The following STT3B variants were observed in gnomAD, a reference collection of about 807,000 sequenced individuals.
The protein encoded by STT3B is dolichyl-diphosphooligosaccharide--protein glycosyltransferase subunit STT3B.
Under a neutral mutation model 96.8 loss-of-function variants are expected in STT3B, and 29 were observed. The observed-to-expected ratio is 0.30, with a 90% CI of 0.22 to 0.41. The LOEUF (loss-of-function observed/expected upper bound fraction) is 0.41. Among genes scored for constraint, STT3B ranks in the 10% least tolerant of loss-of-function variants. The pLI is 1.00. For missense variants in STT3B, 640 were observed against 1,022.3 expected, an observed-to-expected ratio of 0.63 and a Z score of 5.10; for synonymous variants, 367 against 360.0, an observed-to-expected ratio of 1.02 and a Z score of -0.22.
intron 5 of STT3B, among the ~76,000 whole-genome samples, chr3:31,612,895 A>G (rs1477856097): frequency 3.9e-5 from 6 of 152,316 alleles, no homozygotes; most frequent in East Asian, 3.9e-4. Flanking sequence ...TATACCTGCT[A>G]GTGATTATTT....
intron 1 of STT3B, among the ~76,000 whole-genome samples, chr3:31,549,822 G>A (rs543096674): frequency 2.0e-5 from 3 of 152,174 alleles, no homozygotes; most frequent in African/African-American, 4.8e-5. Flanking sequence ...TGTTATACAC[G>A]TTGTGCGTGC....
intron 4 of STT3B, among the ~76,000 whole-genome samples, chr3:31,599,722 T>C (rs1480625308): frequency 6.6e-6 from 1 of 152,184 alleles, no homozygotes; most frequent in Non-Finnish European, 1.5e-5. Context: ...GAATGGAGAT[T>C]CTCTTTAGAA....
At chr3:31,589,062 C>T (rs535973682) in intron 3 of STT3B, among the ~76,000 whole-genome samples, 2 of 152,178 alleles carry the variant, frequency 1.3e-5, no homozygotes, top group East Asian at 3.9e-4. Context: ...GTCTTCCTAT[C>T]ATAAACATGG....
At position 31,533,085 on chromosome 3, in the gene STT3B, C is replaced by A. The variant is rs777810394; in HGVS notation, c.87C>A (p.Ser29Arg). Residue 29 changes from serine to arginine, a missense_variant, in exon 1 of 16, where the codon AGC (serine) becomes AGA (arginine). Around this residue, in one of 8 missense-constraint regions of STT3B, gnomAD observed 89 missense variants for 81.7 expected, o/e 1.09. Transcript: ENST00000295770. ...GTGGCCTCATGGCCCTGGGAAACAG[C>A]CGGCACGGCCACCACGGGCCCGGGG... ...PWSGLMALGNSRHGHHGPGAQ... is the reference protein window; with the variant it reads ...PWSGLMALGNRRHGHHGPGAQ... The A allele has an allele frequency of 6.5e-7, 1 of 1,534,174 alleles. No individual in the cohort carries two copies. The highest frequency in any genetic ancestry group is 8.7e-7 in the Non-Finnish European group (1 of 1,143,142).
intron 8 of STT3B, among the ~76,000 whole-genome samples, chr3:31,618,440 T>C (rs2125473718): frequency 6.6e-6 from 1 of 152,066 alleles, no homozygotes; most frequent in Middle Eastern, 3.4e-3. Flanking sequence ...CACAAGAGAA[T>C]ATATATCTGT....
chr3:31,573,128 C>G (rs1698196321), intron 1 of STT3B, among the ~76,000 whole-genome samples: 1 of 151,930 alleles, frequency 6.6e-6, no homozygotes, highest in Admixed American at 6.6e-5. Flanking sequence ...ATGAGGTGAG[C>G]TTGGAGGACT....
chr3:31,630,141 C>G (rs1183174152), intron 14 of STT3B, among the ~76,000 whole-genome samples: 1 of 152,114 alleles, frequency 6.6e-6, no homozygotes, highest in Non-Finnish European at 1.5e-5. Context: ...CCAAAATATG[C>G]CTCTTTGACA....
At chr3:31,591,106 C>T (rs374953617) in intron 3 of STT3B, among the ~76,000 whole-genome samples, 60 of 152,112 alleles carry the variant, frequency 3.9e-4, no homozygotes, top group African/African-American at 1.4e-3. Context: ...GAAACTGTTT[C>T]TTCTTTTAGT....
chr3:31,591,280 A>G (rs1031511279), intron 3 of STT3B, among the ~76,000 whole-genome samples: 1 of 152,114 alleles, frequency 6.6e-6, no homozygotes, highest in Non-Finnish European at 1.5e-5. Flanking sequence ...TTGATTTCAT[A>G]TGATTCCTGT....
intron 11 of STT3B, among the ~76,000 whole-genome samples, chr3:31,624,174 T>C (rs1239301187): frequency 1.3e-5 from 2 of 152,158 alleles, no homozygotes; most frequent in African/African-American, 4.8e-5. Context: ...AATTAAATTA[T>C]TTTTGACTGT....
chr3:31,625,854 A>G, intron 12 of STT3B, 100 bp from the exon 13 acceptor site: 4 of 1,162,250 alleles, frequency 3.4e-6, no homozygotes, highest in Non-Finnish European at 4.8e-6. Context: ...CATGTAAAAC[A>G]AACTCTTGAT....
At chr3:31,553,160 A>G (rs969405495) in intron 1 of STT3B, among the ~76,000 whole-genome samples, 15 of 151,934 alleles carry the variant, frequency 9.9e-5, no homozygotes, top group African/African-American at 3.6e-4. Flanking sequence ...ACTCCTGTAC[A>G]TTGCTGATGG....
chr3:31,543,224 G>A (rs1424398273), intron 1 of STT3B, among the ~76,000 whole-genome samples: 6 of 152,072 alleles, frequency 3.9e-5, no homozygotes, highest in Admixed American at 1.3e-4. Context: ...TGGCTAACTA[G>A]GCCAGAGCCA....
chr3:31,576,233 G>A lies in STT3B; in HGVS notation c.315-163G>A, dbSNP rs4574331. The stretch of plus-strand genomic sequence containing the variant: ...TGAAGTTGGGGGCGTTTTTATTTAT[G>A]TAGAGGTATAAGCATGTTCTTTTGA... On this transcript the variant is annotated intron_variant, in intron 1 of 15. Transcript: ENST00000295770. 0.92 allele frequency among the ~76,000 whole-genome samples: 140,043 copies of A among 152,176 alleles called. 64,612 individuals carry two copies. Among genetic ancestry groups the A allele is most frequent in the East Asian group, 0.96 (4,956 of 5,166 alleles).
intron 1 of STT3B, among the ~76,000 whole-genome samples, chr3:31,555,142 C>T (rs746189693): frequency 6.6e-6 from 1 of 152,122 alleles, no homozygotes; most frequent in Non-Finnish European, 1.5e-5. Context: ...TATACTTGTT[C>T]TCAATTATAG....
intron 1 of STT3B, among the ~76,000 whole-genome samples, chr3:31,533,856 C>T (rs893663891): frequency 2.0e-5 from 3 of 152,196 alleles, no homozygotes; most frequent in East Asian, 1.9e-4. Flanking sequence ...GGCTGCTCAC[C>T]CTTGCAGTTT....
chr3:31,566,481 A>G (rs1315066304), intron 1 of STT3B, among the ~76,000 whole-genome samples: 1 of 152,178 alleles, frequency 6.6e-6, no homozygotes, highest in African/African-American at 2.4e-5. Flanking sequence ...TTTTTTTAAA[A>G]CAATAATTGT....
chr3:31,582,321 G>C (rs1276968872), intron 3 of STT3B, among the ~76,000 whole-genome samples: 2 of 141,374 alleles, frequency 1.4e-5, no homozygotes, highest in African/African-American at 5.1e-5. Context: ...TTTTGGAGAC[G>C]GAGTCTTGCT....
intron 14 of STT3B, among the ~76,000 whole-genome samples, chr3:31,630,828 G>T (rs78787027): frequency 0.043 from 6,463 of 151,462 alleles, 361 homozygotes; most frequent in East Asian, 0.32. Context: ...AGGGAGTCTC[G>T]CTCTGTCGCC....
Sources: gnomAD v4.1 joint callset for allele counts (sites outside exome capture counted in the v4.1 genomes callset) on GRCh38, gnomAD v4.1.1 for gene constraint, gnomAD v4.1.1 regional missense constraint, MANE v1.5 for transcripts, NCBI Gene and HGNC (gene_info 2026-07-23, HGNC 2026-07-21) for gene names.